Variants in ANKRD53 observed in about 807,000 individuals in gnomAD.
ANKRD53 encodes ankyrin repeat domain-containing protein 53.
A neutral mutation model predicts 30.1 loss-of-function variants in ANKRD53; 27 were observed. The ratio of observed to expected loss-of-function variants is 0.90; its 90% confidence interval spans 0.66 to 1.24. ANKRD53 has a LOEUF of 1.24. Ranked by LOEUF, ANKRD53 falls within the 50% of genes most tolerant of loss-of-function variation. The pLI, the probability that ANKRD53 is intolerant of heterozygous loss-of-function variation, is 0.00. For synonymous variants in ANKRD53, 286 were observed against 295.4 expected, an observed-to-expected ratio of 0.97 and a Z score of 0.33; for missense variants, 682 against 721.0, an observed-to-expected ratio of 0.95 and a Z score of 0.62.
Position 70,985,345 on chromosome 2 carries a change from T to C in ANKRD53, c.*45T>C. On this transcript the variant is annotated 3_prime_UTR_variant, in exon 6 of 6. Transcript: ENST00000360589. ...CCCCCTGAGGCAGCCCAGTGAAGGC[T>C]GAAGTGTGGCAATTCACGTTGTGGG... The C allele has an allele frequency of 6.7e-7, 1 of 1,499,310 alleles. No individual in the cohort carries two copies. The highest frequency in any genetic ancestry group is 2.5e-5 in the East Asian group (1 of 40,110). The allele number at this position is 1,499,310 out of a possible 1,614,324, so 92.9% of individuals were successfully genotyped here.
At position 70,979,132 on chromosome 2, in the gene ANKRD53, C is replaced by A. The variant is rs782534624; in HGVS notation, c.206C>A (p.Ala69Glu). 2 of 1,607,004 alleles carry A rather than the reference C, an allele frequency of 1.2e-6. No homozygotes were observed. The highest frequency in any genetic ancestry group is 2.2e-5 in the South Asian group (2 of 90,896). The part of the protein sequence containing the change: ...PLPDLADHLS[A>E]QATALARPRR... ...CCCGACCTCGCAGACCACCTCAGTG[C>A]GCAGGCGACTGCCCTCGCCAGGCCG... The change falls in exon 2 of 6, where the codon GCG (alanine) becomes GAG (glutamate). Residue 69 changes from alanine (A) to glutamate (E), a missense_variant. Physicochemically the swap from Ala to Glu is moderately radical, Grantham distance 107. Transcript: ENST00000360589.
rs761600530 is a variant in ANKRD53, at chr2:70,979,529, T to C, written c.418-132T>C. 296 of 1,383,032 alleles carry C rather than the reference T, an allele frequency of 2.1e-4. 1 individual carries two copies. The highest frequency in any genetic ancestry group is 2.6e-4 in the Non-Finnish European group (270 of 1,024,178). 85.7% of individuals were successfully genotyped at this position (1,383,032 alleles called of 1,614,324 possible). On this transcript the variant is annotated intron_variant, in intron 2 of 5. Transcript: ENST00000360589. ...GGCTGATGAACACACACTGGTTAATTAGCAAAAGGGTGTGAGCATTCCTGG... is the reference window on the plus strand; with the variant it reads ...GGCTGATGAACACACACTGGTTAATCAGCAAAAGGGTGTGAGCATTCCTGG...
chr2:70,982,442 A>G lies in ANKRD53; in HGVS notation c.783-135A>G. 2.4e-6 allele frequency: 3 copies of G among 1,269,722 alleles called. No individual in the cohort carries two copies. Among genetic ancestry groups the G allele is most frequent in the Non-Finnish European group, 3.3e-6 (3 of 916,696 alleles). The allele number at this position is 1,269,722 out of a possible 1,614,324, so 78.7% of individuals were successfully genotyped here. On this transcript the variant is annotated intron_variant, in intron 4 of 5. Transcript: ENST00000360589. The surrounding 1 kb of genome is among the most constrained non-coding windows in gnomAD (Gnocchi z 4.2). ...AGCCAGAGGGCCCCGGGCAATGGGGATGGCTCATCTTGCTCCTCTCCCTCT... is the reference window on the plus strand; with the variant it reads ...AGCCAGAGGGCCCCGGGCAATGGGGGTGGCTCATCTTGCTCCTCTCCCTCT...
upstream of ANKRD53, chr2:70,978,482 A>G: frequency 1.3e-6 from 1 of 765,314 alleles, no homozygotes; most frequent in Non-Finnish European, 1.9e-6. This position sits in a 1 kb window ranked among gnomAD's most constrained non-coding sequence, Gnocchi z 4.3. Context: ...GGGTCCCCGG[A>G]GGCCCCCGGG....
chr2:70,982,823 G>A lies in ANKRD53; in HGVS notation c.903+126G>A, dbSNP rs546050225. On this transcript the variant is annotated intron_variant, in intron 5 of 5. Transcript: ENST00000360589. This position sits in a 1 kb window ranked among gnomAD's most constrained non-coding sequence, Gnocchi z 4.2. ...CCCACCCTGAAAGAGCCACCCTTTC[G>A]CCTGTACTCCCACCGGGTACTCTGA... is the stretch of plus-strand genomic sequence containing the variant. The A allele has an allele frequency of 2.1e-5, 27 of 1,284,468 alleles. No homozygotes were observed. The highest frequency in any genetic ancestry group is 1.7e-4 in the East Asian group (7 of 40,328). The allele number at this position is 1,284,468 out of a possible 1,614,324, so 79.6% of individuals were successfully genotyped here. A position where few individuals can be genotyped will look rare whatever the true frequency, so the allele number is the denominator to read the frequency against.
chr2:70,982,464 C>A lies in ANKRD53; in HGVS notation c.783-113C>A. 6.8e-7 allele frequency: 1 copy of A among 1,466,062 alleles called. No individual in the cohort carries two copies. Among genetic ancestry groups the A allele is most frequent in the Non-Finnish European group, 9.3e-7 (1 of 1,075,486 alleles). 90.8% of individuals were successfully genotyped at this position (1,466,062 alleles called of 1,614,324 possible). A position where few individuals can be genotyped will look rare whatever the true frequency, so the allele number is the denominator to read the frequency against. ...GGGATGGCTCATCTTGCTCCTCTCC[C>A]TCTGGCCACTCCCCTCATCCCCATC... On this transcript the variant is annotated intron_variant, in intron 4 of 5. Transcript: ENST00000360589. The surrounding 1 kb of genome is among the most constrained non-coding windows in gnomAD (Gnocchi z 4.2).
chr2:70,978,984 C>T lies in ANKRD53; in HGVS notation c.171-113C>T. The T allele has an allele frequency of 6.9e-7, 1 of 1,453,404 alleles. No homozygotes were observed. Among genetic ancestry groups the T allele is most frequent in the Non-Finnish European group, 9.0e-7 (1 of 1,106,038 alleles). The allele number at this position is 1,453,404 out of a possible 1,614,324, so 90.0% of individuals were successfully genotyped here. On this transcript the variant is annotated intron_variant, in intron 1 of 5. Coordinates refer to ENST00000360589, the MANE Select transcript of ANKRD53 (RefSeq NM_001115116.2). This position sits in a 1 kb window ranked among gnomAD's most constrained non-coding sequence, Gnocchi z 4.3. ...CCCGAGAGGTGCCTAGGCCGTGGCC[C>T]AGAGTCGCTTCCCCACTGCCCCGCC...
In ANKRD53 at chr2:70,984,658, C is replaced by T. The variant is rs182279308; in HGVS notation, c.951C>T (p.His317=). The T allele has an allele frequency of 2.9e-4, 471 of 1,614,180 alleles. No homozygotes were observed. In the African/African-American group the frequency reaches 5.5e-3, roughly 19 times the overall value. Residue 317 remains histidine (H), a synonymous_variant, in exon 6 of 6, where the codon CAC becomes CAT. Transcript: ENST00000360589. ...AAGCTGCTATCAGAAAGTGGCTCCA[C>T]GGCAAGCTGCACCCAGGCCACTCTC... is the stretch of plus-strand genomic sequence containing the variant. ...LREAAIRKWL[H]GKLHPGHSLV...
chr2:70,978,562 C>T, upstream of ANKRD53: 4 of 1,375,294 alleles, frequency 2.9e-6, no homozygotes, highest in Non-Finnish European at 2.8e-6. This position sits in a 1 kb window ranked among gnomAD's most constrained non-coding sequence, Gnocchi z 4.3. Context: ...CCGCGGCCAG[C>T]TGGCAAGGAG....
chr2:70,984,659 G>C lies in ANKRD53; in HGVS notation c.952G>C (p.Gly318Arg), dbSNP rs567508253. Reference protein sequence around the residue: ...REAAIRKWLHGKLHPGHSLVS... With the variant: ...REAAIRKWLHRKLHPGHSLVS... The stretch of plus-strand genomic sequence containing the variant: ...AGCTGCTATCAGAAAGTGGCTCCAC[G>C]GCAAGCTGCACCCAGGCCACTCTCT... Residue 318 changes from glycine to arginine, a missense_variant, in exon 6 of 6, where the codon GGC becomes CGC. Transcript: ENST00000360589. 6 of 1,614,148 alleles carry C rather than the reference G, an allele frequency of 3.7e-6. No homozygotes were observed. The East Asian group carries it at 8.9e-5, about 24-fold the overall frequency.
chr2:70,985,483 C>A lies in ANKRD53; in HGVS notation c.*183C>A. On this transcript the variant is annotated 3_prime_UTR_variant, in exon 6 of 6. Transcript: ENST00000360589. ...GCCTCCCTTTTCTCTGCAAATAAAT[C>A]TCTTGGCACCCCCCCACCGCCGCCA... 3.4e-6 allele frequency: 2 copies of A among 587,576 alleles called. No homozygotes were observed. The highest frequency in any genetic ancestry group is 5.8e-6 in the Non-Finnish European group (2 of 346,678). The allele number at this position is 587,576 out of a possible 1,614,324, so 36.4% of individuals were successfully genotyped here. A position where few individuals can be genotyped will look rare whatever the true frequency, so the allele number is the denominator to read the frequency against.
rs1670142359 is a variant in ANKRD53, at chr2:70,985,052, CG to C, written c.1347del (p.Leu450CysfsTer19). 3 of 1,549,888 alleles carry C rather than the reference CG, an allele frequency of 1.9e-6. No homozygotes were observed. The highest frequency in any genetic ancestry group is 2.0e-5 in the Admixed American group (1 of 50,978). ...VDGHWVAPVP[R>X]LPFEVLLRML... ...CGGCCACTGGGTGGCGCCCGTGCCG[CG>C]GCTGCCTTTTGAGGTGCTGCTGCGC... On this transcript the variant is annotated frameshift_variant, in exon 6 of 6. Transcript: ENST00000360589. LOFTEE classifies it low-confidence loss of function (END_TRUNC).
Position 70,978,869 on chromosome 2 carries a change from G to C in ANKRD53, c.170+54G>C. 1 of 1,525,490 alleles carries C rather than the reference G, an allele frequency of 6.6e-7. No homozygotes were observed. The highest frequency in any genetic ancestry group is 8.8e-7 in the Non-Finnish European group (1 of 1,134,892). 94.5% of individuals were successfully genotyped at this position (1,525,490 alleles called of 1,614,324 possible). The stretch of plus-strand genomic sequence containing the variant: ...GCAGGGAGCGAGAACCCGGCCCAGC[G>C]CCTCCCTGGTGGGCAGGGCCTGGAG... On this transcript the variant is annotated intron_variant, in intron 1 of 5. Transcript: ENST00000360589. The surrounding 1 kb of genome is among the most constrained non-coding windows in gnomAD (Gnocchi z 4.3).
chr2:70,984,372 T>C, intron 5 of ANKRD53: 1 of 1,584,816 alleles, frequency 6.3e-7, no homozygotes, highest in East Asian at 2.2e-5. Flanking sequence ...GAGAGGTGCT[T>C]TGTCTCCCCA....
In ANKRD53 at chr2:70,984,718, C is replaced by T. The variant is rs782480234; in HGVS notation, c.1011C>T (p.Ala337=). 1.1e-5 allele frequency: 17 copies of T among 1,611,108 alleles called. No homozygotes were observed. The highest frequency in any genetic ancestry group is 1.4e-5 in the Non-Finnish European group (17 of 1,178,452). Reference sequence around the variant, plus strand: ...ATACCAAGCAAGCCCGGGCCACCGCCCTCTCCAAGACCCCAGAGCAACGGG... The same window carrying T: ...ATACCAAGCAAGCCCGGGCCACCGCTCTCTCCAAGACCCCAGAGCAACGGG... The part of the protein sequence containing the change: ...VSNTKQARAT[A]LSKTPEQRES... The change falls in exon 6 of 6, where the codon GCC becomes GCT. Residue 337 remains alanine, a synonymous_variant. Coordinates refer to ENST00000360589, the MANE Select transcript of ANKRD53 (RefSeq NM_001115116.2).
chr2:70,978,546 G>T (rs1669893357), upstream of ANKRD53: 4 of 1,349,596 alleles, frequency 3.0e-6, no homozygotes, highest in Non-Finnish European at 3.8e-6. This position sits in a 1 kb window ranked among gnomAD's most constrained non-coding sequence, Gnocchi z 4.3. Flanking sequence ...GGAAGGGGCC[G>T]GGAAACCGCG....
chr2:70,984,186 T>C (rs1183203596), intron 5 of ANKRD53: 3 of 1,614,108 alleles, frequency 1.9e-6, no homozygotes, highest in Non-Finnish European at 2.5e-6. Flanking sequence ...GACTCTCCTA[T>C]GGCAGGACAT....
Position 70,982,473 on chromosome 2 carries a change from C to T in ANKRD53, c.783-104C>T. 1 of 1,506,006 alleles carries T rather than the reference C, an allele frequency of 6.6e-7. No homozygotes were observed. Among genetic ancestry groups the T allele is most frequent in the Non-Finnish European group, 9.0e-7 (1 of 1,107,384 alleles). 93.3% of individuals were successfully genotyped at this position (1,506,006 alleles called of 1,614,324 possible). On this transcript the variant is annotated intron_variant, in intron 4 of 5. Transcript: ENST00000360589. This position sits in a 1 kb window ranked among gnomAD's most constrained non-coding sequence, Gnocchi z 4.2. ...CATCTTGCTCCTCTCCCTCTGGCCA[C>T]TCCCCTCATCCCCATCCAAGCCCTC... is the stretch of plus-strand genomic sequence containing the variant.
chr2:70,981,725 T>C (rs1243540223), intron 3 of ANKRD53, among the ~76,000 whole-genome samples: 4 of 152,190 alleles, frequency 2.6e-5, no homozygotes, highest in African/African-American at 9.6e-5. Flanking sequence ...TCACATACCT[T>C]CTAAAGTCAG....
Sources: allele counts gnomAD v4.1 joint callset (sites outside exome capture counted in the v4.1 genomes callset), GRCh38; gene constraint gnomAD v4.1.1; non-coding constraint Gnocchi (gnomAD v3.1); transcripts MANE v1.5; gene names NCBI Gene and HGNC (gene_info 2026-07-23, HGNC 2026-07-21).